Variants in PCED1B observed in about 807,000 individuals in gnomAD.
PCED1B encodes the protein PC-esterase domain containing 1B.
For synonymous variants in PCED1B, 251 were observed against 246.1 expected, an observed-to-expected ratio of 1.02 and a Z score of -0.19; for missense variants, 573 against 573.9, an observed-to-expected ratio of 1.00 and a Z score of 0.02.
intron 2 of PCED1B, among the ~76,000 whole-genome samples, chr12:47,208,236 GT>G (rs141685731): frequency 0.21 from 31,709 of 151,780 alleles, 4,196 homozygotes; most frequent in Non-Finnish European, 0.3. Flanking sequence ...AGCCATTTTG[GT>G]TTTTGTTTGT....
At chr12:47,181,151 T>A (rs1017333724) in intron 2 of PCED1B, among the ~76,000 whole-genome samples, 3 of 151,918 alleles carry the variant, frequency 2.0e-5, no homozygotes, top group Non-Finnish European at 4.4e-5. Context: ...GCCTGGCTCA[T>A]TATTTGTATT....
intron 1 of PCED1B, among the ~76,000 whole-genome samples, chr12:47,099,382 T>G (rs1938609235): frequency 6.6e-6 from 1 of 152,148 alleles, no homozygotes. Context: ...CCTGCCACAC[T>G]CCGCACACCA....
chr12:47,220,663 C>A (rs1253854700), intron 3 of PCED1B, among the ~76,000 whole-genome samples: 2 of 152,242 alleles, frequency 1.3e-5, no homozygotes, highest in Admixed American at 1.3e-4. Context: ...GTGAGACCCA[C>A]TTCTGCCATC....
chr12:47,089,671 A>C (rs567283027), intron 1 of PCED1B, among the ~76,000 whole-genome samples: 3 of 151,684 alleles, frequency 2.0e-5, no homozygotes, highest in African/African-American at 7.3e-5. Flanking sequence ...TGACAAATCC[A>C]TTGTCACAAG....
chr12:47,173,396 A>G (rs1007363460), intron 2 of PCED1B, among the ~76,000 whole-genome samples: 2 of 151,970 alleles, frequency 1.3e-5, no homozygotes, highest in African/African-American at 4.8e-5. Flanking sequence ...TGGGACTAGA[A>G]GCGCCCGCCA....
intron 2 of PCED1B, among the ~76,000 whole-genome samples, chr12:47,126,056 A>G (rs1939875310): frequency 6.6e-6 from 1 of 152,084 alleles, no homozygotes; most frequent in Non-Finnish European, 1.5e-5. Flanking sequence ...TAGAAGTGGT[A>G]AGAGTGAACT....
intron 3 of PCED1B, among the ~76,000 whole-genome samples, chr12:47,229,636 A>G (rs1333453322): frequency 1.3e-5 from 2 of 152,188 alleles, no homozygotes; most frequent in Admixed American, 6.5e-5. Flanking sequence ...GCATGAAACA[A>G]AGTTTGTGTG....
Position 47,128,926 on chromosome 12 carries a change from G to A in PCED1B, c.-526+24731G>A, listed in dbSNP as rs979676684. 2.0e-5 allele frequency among the ~76,000 whole-genome samples: 3 copies of A among 152,348 alleles called. No individual in the cohort carries two copies. In the East Asian group the frequency reaches 5.8e-4, roughly 29 times the overall value. On this transcript the variant is annotated intron_variant, in intron 2 of 3. Coordinates refer to ENST00000546455, the MANE Select transcript of PCED1B (RefSeq NM_138371.3). ...TTATAAGGACACTTGGGAAAGTGCG[G>A]AAGTGCAGAAAGCCATCTCTGAATT...
intron 2 of PCED1B, among the ~76,000 whole-genome samples, chr12:47,208,017 C>A (rs1942962140): frequency 6.6e-6 from 1 of 152,096 alleles, no homozygotes; most frequent in Middle Eastern, 3.4e-3. Context: ...CTCTGAACAC[C>A]CATAATTTGT....
intron 2 of PCED1B, among the ~76,000 whole-genome samples, chr12:47,154,779 A>ATGTGTG (rs3989869): frequency 1.7e-4 from 25 of 146,702 alleles, no homozygotes; most frequent in Non-Finnish European, 2.6e-4. Flanking sequence ...GTGTGTGTGC[A>ATGTGTG]TGTGTGTGTG....
intron 2 of PCED1B, among the ~76,000 whole-genome samples, chr12:47,131,486 A>G (rs1275754201): frequency 6.6e-6 from 1 of 152,104 alleles, no homozygotes; most frequent in East Asian, 1.9e-4. Flanking sequence ...TGTGTACACC[A>G]TTGTCCTTCA....
At chr12:47,118,750 G>C (rs563931063) in intron 2 of PCED1B, among the ~76,000 whole-genome samples, 77 of 152,182 alleles carry the variant, frequency 5.1e-4, no homozygotes, top group African/African-American at 1.8e-3. Context: ...AGCTTGATGG[G>C]GATGGCATTG....
At chr12:47,203,477 G>A (rs139040667) in intron 2 of PCED1B, among the ~76,000 whole-genome samples, 51 of 152,012 alleles carry the variant, frequency 3.4e-4, no homozygotes, top group Non-Finnish European at 6.2e-4. Context: ...CTCACCCTCC[G>A]ACAGGCCCTA....
intron 2 of PCED1B, among the ~76,000 whole-genome samples, chr12:47,183,928 T>C (rs1942174683): frequency 2.0e-5 from 3 of 152,234 alleles, no homozygotes; most frequent in Admixed American, 2.0e-4. Context: ...GTGGGGATAC[T>C]GCATGAACAG....
chr12:47,197,440 C>T (rs1942641115), intron 2 of PCED1B, among the ~76,000 whole-genome samples: 1 of 151,298 alleles, frequency 6.6e-6, no homozygotes, highest in African/African-American at 2.4e-5. Flanking sequence ...AACCCCATCT[C>T]TACTAAAAAT....
intron 2 of PCED1B, among the ~76,000 whole-genome samples, chr12:47,215,994 A>C (rs967131280): frequency 6.6e-6 from 1 of 152,144 alleles, no homozygotes; most frequent in Non-Finnish European, 1.5e-5. Flanking sequence ...CAGAGGTTGC[A>C]ATGAGCCGAG....
chr12:47,226,314 C>T (rs1025069316), intron 3 of PCED1B, among the ~76,000 whole-genome samples: 2 of 152,168 alleles, frequency 1.3e-5, no homozygotes, highest in African/African-American at 4.8e-5. Flanking sequence ...TACATACATC[C>T]GTTTTAGCAG....
intron 2 of PCED1B, chr12:47,210,322 C>T (rs1391728804): frequency 6.6e-6 from 1 of 152,156 alleles, no homozygotes; most frequent in African/African-American, 2.4e-5. Context: ...TATAAAGTGG[C>T]TGGGGCCACA....
intron 2 of PCED1B, among the ~76,000 whole-genome samples, chr12:47,150,301 C>T (rs371678567): frequency 5.3e-5 from 8 of 151,980 alleles, no homozygotes; most frequent in Non-Finnish European, 8.8e-5. Context: ...ATAGGCCGGG[C>T]GCGGTGGCTC....
Sources: gnomAD v4.1 joint callset for allele counts (sites outside exome capture counted in the v4.1 genomes callset) on GRCh38, gnomAD v4.1.1 for gene constraint, MANE v1.5 for transcripts, NCBI Gene and HGNC (gene_info 2026-07-23, HGNC 2026-07-21) for gene names.